Variants in PPM1G observed in about 807,000 individuals in gnomAD.
The protein encoded by PPM1G is protein phosphatase 1G.
In PPM1G, 12 loss-of-function variants were observed where a neutral mutation model predicts 59.4. The observed-to-expected ratio is 0.20, with a 90% CI of 0.13 to 0.33. The LOEUF (loss-of-function observed/expected upper bound fraction) is 0.33, where lower values mean the gene tolerates loss of function less well. PPM1G is among the 10% of genes least tolerant of loss of function. The probability of loss-of-function intolerance (pLI) is 1.00; values close to 1 mark genes in which losing one functional copy is unlikely to be tolerated. For synonymous variants in PPM1G, 245 were observed against 251.9 expected (o/e 0.97, Z 0.26); for missense variants, 392 against 681.3 (o/e 0.58, Z 4.73).
chr2:27,400,838 CTCTG>C (rs1274012528), intron 1 of PPM1G, among the ~76,000 whole-genome samples: 8 of 152,288 alleles, frequency 5.3e-5, no homozygotes, highest in African/African-American at 1.9e-4. Flanking sequence ...TCTGCCTGAG[CTCTG>C]TCTATCTGAA....
chr2:27,385,703 C>G lies in PPM1G; in HGVS notation c.409+44G>C, dbSNP rs781230424. 6.3e-7 allele frequency: 1 copy of G among 1,588,526 alleles called. No individual in the cohort carries two copies. On this transcript the variant is annotated intron_variant, in intron 4 of 9. Coordinates refer to ENST00000344034, the MANE Select transcript of PPM1G (RefSeq NM_177983.3). This position sits in a 1 kb window ranked among gnomAD's most constrained non-coding sequence, Gnocchi z 4.1. ...TGATAAGTAATATTAAAGAATATTTCTTAAAATGCTGATTTCCCCTCAAAC... is the reference window on the plus strand; with the variant it reads ...TGATAAGTAATATTAAAGAATATTTGTTAAAATGCTGATTTCCCCTCAAAC...
chr2:27,381,554 G>C lies in PPM1G; in HGVS notation c.*45C>G. ...AAGACAAAACTCAGTCTCAGGTCCGGAGGGCTCAGAAAACAGTCTAGGTGG... is the reference window on the plus strand; with the variant it reads ...AAGACAAAACTCAGTCTCAGGTCCGCAGGGCTCAGAAAACAGTCTAGGTGG... On this transcript the variant is annotated 3_prime_UTR_variant, in exon 10 of 10. Coordinates refer to ENST00000344034, the MANE Select transcript of PPM1G (RefSeq NM_177983.3). 1 of 1,607,848 alleles carries C rather than the reference G, an allele frequency of 6.2e-7. No individual in the cohort carries two copies. Among genetic ancestry groups the C allele is most frequent in the Middle Eastern group, 1.7e-4 (1 of 6,012 alleles).
rs755345479 is a variant in PPM1G at position 27,383,637 on chromosome 2, G to A, written c.967-37C>T. 3 of 1,554,666 alleles carry A rather than the reference G, an allele frequency of 1.9e-6. No individual in the cohort carries two copies. In the South Asian group the frequency reaches 3.5e-5, roughly 18 times the overall value. On this transcript the variant is annotated intron_variant, in intron 6 of 9. Transcript: ENST00000344034. This position sits in a 1 kb window ranked among gnomAD's most constrained non-coding sequence, Gnocchi z 5.0. ...GAAAAGGAGCATCATGGGGGCTTCT[G>A]AACATGCGTTCCTCACTGATGTGCT...
At chr2:27,406,332 T>C (rs1190795848) in intron 1 of PPM1G, among the ~76,000 whole-genome samples, 4 of 152,238 alleles carry the variant, frequency 2.6e-5, no homozygotes, top group African/African-American at 9.6e-5. Flanking sequence ...GAACTCATAG[T>C]TATTTTCTTG....
intron 1 of PPM1G, among the ~76,000 whole-genome samples, chr2:27,390,811 A>C: frequency 6.6e-6 from 1 of 151,572 alleles, no homozygotes. Flanking sequence ...TCTGCCACAC[A>C]ACCCCCACCC....
At position 27,384,862 on chromosome 2, in the gene PPM1G, T is replaced by C. The variant is rs367693259; in HGVS notation, c.636A>G (p.Thr212=). 8.4e-5 allele frequency: 135 copies of C among 1,614,102 alleles called. No homozygotes were observed. Among genetic ancestry groups the C allele is most frequent in the Non-Finnish European group, 1.1e-4 (125 of 1,180,046 alleles). ...CACGTTCCGAGTTGGAGGAAAAGCC[T>C]GTGTAGGCCTTGGCTGTGGGGCCAT... is the stretch of plus-strand genomic sequence containing the variant. ...QENGPTAKAY[T]GFSSNSERGT... is the part of the protein sequence containing the mutation. The change falls in exon 5 of 10, where the codon ACA becomes ACG. Residue 212 remains threonine (T), a synonymous_variant. Coordinates refer to ENST00000344034, the MANE Select transcript of PPM1G (RefSeq NM_177983.3). This position sits in a 1 kb window ranked among gnomAD's most constrained non-coding sequence, Gnocchi z 4.8.
chr2:27,400,846 A>T (rs1684163556), intron 1 of PPM1G, among the ~76,000 whole-genome samples: 1 of 152,194 alleles, frequency 6.6e-6, no homozygotes, highest in Non-Finnish European at 1.5e-5. Flanking sequence ...AGCTCTGTCT[A>T]TCTGAACAGA....
chr2:27,386,450 A>C, intron 2 of PPM1G, 171 bp from the exon 3 acceptor site: 1 of 476,900 alleles, frequency 2.1e-6, no homozygotes, highest in Non-Finnish European at 3.8e-6. Context: ...GATCCAAAAA[A>C]ATGGATTTCA....
chr2:27,386,333 G>A, intron 2 of PPM1G, 54 bp from the exon 3 acceptor site: 6 of 1,285,764 alleles, frequency 4.7e-6, no homozygotes, highest in South Asian at 2.4e-5. Context: ...CACATAGAAA[G>A]TGATACAATA....
In PPM1G at chr2:27,384,031, T is replaced by C. The variant is rs770950792; in HGVS notation, c.887A>G (p.Asp296Gly). The C allele has an allele frequency of 1.2e-6, 2 of 1,608,450 alleles. No individual in the cohort carries two copies. Among genetic ancestry groups the C allele is most frequent in the African/African-American group, 2.7e-5 (2 of 74,780 alleles). The change falls in exon 6 of 10, where the codon GAT becomes GGT. Residue 296 changes from aspartate (D) to glycine (G), a missense_variant. Asp to Gly is a moderately conservative substitution (Grantham distance 94, BLOSUM62 -1). This residue lies in a region of PPM1G where 188 missense variants were observed against 248.8 expected (regional missense o/e 0.76). Coordinates refer to ENST00000344034, the MANE Select transcript of PPM1G (RefSeq NM_177983.3). This position sits in a 1 kb window ranked among gnomAD's most constrained non-coding sequence, Gnocchi z 4.8. ...GTCCTCTTCAGCCTCCTCGGTGTCA[T>C]CCTCATCTTCCTCATTCTCTGCCTC... ...SEEAENEEDE[D>G]DTEEAEEDDE...
intron 1 of PPM1G, 111 bp from the exon 2 acceptor site, chr2:27,387,269 T>C: frequency 1.3e-6 from 1 of 751,816 alleles, no homozygotes; most frequent in Non-Finnish European, 2.3e-6. Context: ...CTATATGGCC[T>C]AGAAATAAGA....
In PPM1G at chr2:27,382,461, T is replaced by A. The variant is rs1410018949; in HGVS notation, c.1331+15A>T. 1.2e-6 allele frequency: 2 copies of A among 1,613,606 alleles called. No individual in the cohort carries two copies. The highest frequency in any genetic ancestry group is 1.7e-6 in the Non-Finnish European group (2 of 1,179,944). On this transcript the variant is annotated intron_variant, in intron 8 of 9. Transcript: ENST00000344034. The surrounding 1 kb of genome is among the most constrained non-coding windows in gnomAD (Gnocchi z 4.2). Reference sequence around the variant, plus strand: ...CTGCAGAAAGGGGAATTTAGGGCATTCTGCCAGTGCTCACCAGATGCCATC... The same window carrying A: ...CTGCAGAAAGGGGAATTTAGGGCATACTGCCAGTGCTCACCAGATGCCATC...
At chr2:27,404,048 T>C (rs1186625243) in intron 1 of PPM1G, among the ~76,000 whole-genome samples, 5 of 152,228 alleles carry the variant, frequency 3.3e-5, no homozygotes, top group Non-Finnish European at 1.5e-5. Context: ...TTTCTTTTTA[T>C]ATTTTTTCCA....
chr2:27,384,220 G>T lies in PPM1G; in HGVS notation c.826-128C>A. The T allele has an allele frequency of 6.8e-7, 1 of 1,467,162 alleles. No homozygotes were observed. The highest frequency in any genetic ancestry group is 9.2e-7 in the Non-Finnish European group (1 of 1,092,186). 90.9% of individuals were successfully genotyped at this position (1,467,162 alleles called of 1,614,324 possible). A position where few individuals can be genotyped will look rare whatever the true frequency, so the allele number is the denominator to read the frequency against. ...AAACACTGAAAGATACAAGTATATG[G>T]TCATGAAAATTGGGGGGATGGAAAG... On this transcript the variant is annotated intron_variant, in intron 5 of 9. Coordinates refer to ENST00000344034, the MANE Select transcript of PPM1G (RefSeq NM_177983.3). The surrounding 1 kb of genome is among the most constrained non-coding windows in gnomAD (Gnocchi z 4.8).
Position 27,383,848 on chromosome 2 carries a change from C to G in PPM1G, c.966+104G>C, listed in dbSNP as rs1397385551. ...GAATAAATCCCCATGACTATTACTT[C>G]CATCCTAAAGTATCAGGGGGATCCC... On this transcript the variant is annotated intron_variant, in intron 6 of 9. Coordinates refer to ENST00000344034, the MANE Select transcript of PPM1G (RefSeq NM_177983.3). The surrounding 1 kb of genome is among the most constrained non-coding windows in gnomAD (Gnocchi z 5.0). The G allele has an allele frequency of 1.4e-6, 2 of 1,476,884 alleles. No individual in the cohort carries two copies. Among genetic ancestry groups the G allele is most frequent in the Admixed American group, 4.3e-5 (2 of 46,406 alleles). 91.5% of individuals were successfully genotyped at this position (1,476,884 alleles called of 1,614,324 possible).
At chr2:27,397,402 AAT>A (rs1388564871) in intron 1 of PPM1G, among the ~76,000 whole-genome samples, 1 of 152,180 alleles carries the variant, frequency 6.6e-6, no homozygotes, top group Admixed American at 6.6e-5. Context: ...ACTACAGACC[AAT>A]ATCTCTTATG....
intron 9 of PPM1G, 27 bp from the exon 10 acceptor site, chr2:27,381,832 C>T: frequency 6.2e-7 from 1 of 1,607,742 alleles, no homozygotes; most frequent in Admixed American, 1.7e-5. Context: ...GGTAGCTCAG[C>T]CACAGGGTTT....
At position 27,382,832 on chromosome 2, in the gene PPM1G, T is replaced by G. The variant is rs531056350; in HGVS notation, c.1202-227A>C. On this transcript the variant is annotated intron_variant, in intron 7 of 9. Coordinates refer to ENST00000344034, the MANE Select transcript of PPM1G (RefSeq NM_177983.3). The surrounding 1 kb of genome is among the most constrained non-coding windows in gnomAD (Gnocchi z 4.2). ...CTTTTTATTTTAAGTCTTTTTTGTT[T>G]TTTTTTTTTTGAGACGGAGTTTCAC... Among the ~76,000 whole-genome samples the G allele has an allele frequency of 4.0e-5, 6 of 151,284 alleles. No individual in the cohort carries two copies. The East Asian group carries it at 7.7e-4, about 19-fold the overall frequency.
At position 27,409,431 on chromosome 2, in the gene PPM1G, C is replaced by G. The variant is rs763089412; in HGVS notation, c.-9G>C. ...GAGAGGTAGGCACCCATGGCGGCGG[C>G]TGGCCGGCGGCCTCAGGTGCAGGAA... On this transcript the variant is annotated 5_prime_UTR_variant, in exon 1 of 10. Transcript: ENST00000344034. The G allele has an allele frequency of 4.0e-6, 6 of 1,504,694 alleles. No homozygotes were observed. The allele number at this position is 1,504,694 out of a possible 1,614,324, so 93.2% of individuals were successfully genotyped here.
Sources: gnomAD v4.1 joint callset for allele counts (sites outside exome capture counted in the v4.1 genomes callset) on GRCh38, gnomAD v4.1.1 for gene constraint, gnomAD v4.1.1 regional missense constraint, Gnocchi (gnomAD v3.1) non-coding constraint, MANE v1.5 for transcripts, NCBI Gene and HGNC (gene_info 2026-07-23, HGNC 2026-07-21) for gene names.